The following TCERG1L variants were observed in gnomAD, a reference collection of about 807,000 sequenced individuals.
The protein encoded by TCERG1L is transcription elongation regulator 1 like.
In TCERG1L, 37 loss-of-function variants were observed where a neutral mutation model predicts 56.3. The observed-to-expected ratio is 0.66, with a 90% CI of 0.51 to 0.87. The LOEUF (loss-of-function observed/expected upper bound fraction) is 0.87, where lower values mean the gene tolerates loss of function less well. TCERG1L is among the 40% of genes least tolerant of loss of function. The pLI, the probability that TCERG1L is intolerant of heterozygous loss-of-function variation, is 0.00. For missense variants in TCERG1L, 799 were observed against 774.2 expected (o/e 1.03, Z -0.38); for synonymous variants, 324 against 326.3 (o/e 0.99, Z 0.08).
intron 4 of TCERG1L, among the ~76,000 whole-genome samples, chr10:131,241,649 A>G (rs563560343): frequency 1.3e-5 from 2 of 152,086 alleles, no homozygotes; most frequent in South Asian, 2.1e-4. Flanking sequence ...ATATAAAAGC[A>G]TAAGAGAGGA....
chr10:131,256,922 GGGAA>G (rs1421262927), intron 4 of TCERG1L, among the ~76,000 whole-genome samples: 5 of 138,696 alleles, frequency 3.6e-5, no homozygotes, highest in African/African-American at 1.4e-4. Context: ...AAGGAAGGAA[GGGAA>G]GGAAGGGAGG....
chr10:131,219,520 G>T (rs72841326), intron 4 of TCERG1L, among the ~76,000 whole-genome samples: 15,463 of 152,190 alleles, frequency 0.1, 1,121 homozygotes, highest in East Asian at 0.25. Flanking sequence ...CATACTTGCA[G>T]GAGGGCTGAG....
chr10:131,184,070 T>C (rs1403087619), intron 4 of TCERG1L, among the ~76,000 whole-genome samples: 1 of 152,212 alleles, frequency 6.6e-6, no homozygotes, highest in Non-Finnish European at 1.5e-5. Context: ...GTCTATTTCT[T>C]GGAAGCTGCT....
chr10:131,198,154 T>C (rs2133470533), intron 4 of TCERG1L, among the ~76,000 whole-genome samples: 1 of 152,252 alleles, frequency 6.6e-6, no homozygotes, highest in East Asian at 1.9e-4. Context: ...CTGGGCATCC[T>C]GGTATGTTCT....
intron 8 of TCERG1L, among the ~76,000 whole-genome samples, chr10:131,124,577 C>T (rs1564796423): frequency 6.6e-6 from 1 of 152,188 alleles, no homozygotes; most frequent in Non-Finnish European, 1.5e-5. Flanking sequence ...TTGATATTTT[C>T]AGCTCTACGC....
intron 4 of TCERG1L, among the ~76,000 whole-genome samples, chr10:131,249,627 G>GA (rs1846083813): frequency 6.6e-6 from 1 of 152,204 alleles, no homozygotes; most frequent in Non-Finnish European, 1.5e-5. Context: ...GAAAGCCTCA[G>GA]AAGTAAGCTT....
In TCERG1L at chr10:131,228,974, G is replaced by C. The variant is rs796757883; in HGVS notation, c.856+31285C>G. Among the ~76,000 whole-genome samples, 111 of 57,320 alleles carry C rather than the reference G, an allele frequency of 1.9e-3. 6 individuals are homozygous for C. The highest frequency in any genetic ancestry group is 2.7e-3 in the Admixed American group (15 of 5,528). 37.6% of individuals were successfully genotyped at this position (57,320 alleles called of 152,430 possible). Reference sequence around the variant, plus strand: ...AGACAGGCATTTCCTCAAGGCCTCCGGAGTCTTCCCTCCAGACAGGCATTC... The same window carrying C: ...AGACAGGCATTTCCTCAAGGCCTCCCGAGTCTTCCCTCCAGACAGGCATTC... On this transcript the variant is annotated intron_variant, in intron 4 of 11. Transcript: ENST00000368642.
At chr10:131,157,052 G>A (rs57089427) in intron 6 of TCERG1L, among the ~76,000 whole-genome samples, 3,864 of 152,240 alleles carry the variant, frequency 0.025, 200 homozygotes, top group East Asian at 0.24. Context: ...TCTGGGCTAG[G>A]CACACCTACT....
Position 131,308,262 on chromosome 10 carries a change from G to C in TCERG1L, c.619C>G (p.Pro207Ala), listed in dbSNP as rs761955297. The C allele has an allele frequency of 6.2e-7, 1 of 1,613,980 alleles. No individual in the cohort carries two copies. Among genetic ancestry groups the C allele is most frequent in the Non-Finnish European group, 8.5e-7 (1 of 1,179,876 alleles). ...ACCGTGGGGAGCGGCCTGGAGGCAGGAGCCGGCCTGGACAGAGACACAGCT... is the reference window on the plus strand; with the variant it reads ...ACCGTGGGGAGCGGCCTGGAGGCAGCAGCCGGCCTGGACAGAGACACAGCT... ...QVAVSLSRPA[P>A]ASRPLPTVVL... Residue 207 changes from proline (P) to alanine (A), a missense_variant, in exon 3 of 12, where the codon CCT becomes GCT. Physicochemically the swap from Pro to Ala is conservative, Grantham distance 27. Coordinates refer to ENST00000368642, the MANE Select transcript of TCERG1L (RefSeq NM_174937.4).
chr10:131,296,027 G>A (rs919704320), intron 3 of TCERG1L, among the ~76,000 whole-genome samples: 10 of 151,978 alleles, frequency 6.6e-5, no homozygotes, highest in South Asian at 2.1e-4. Flanking sequence ...TATGTTTTGT[G>A]AGTATTTTTC....
chr10:131,241,465 T>C lies in TCERG1L; in HGVS notation c.856+18794A>G, dbSNP rs149671178. On this transcript the variant is annotated intron_variant, in intron 4 of 11. Coordinates refer to ENST00000368642, the MANE Select transcript of TCERG1L (RefSeq NM_174937.4). The stretch of plus-strand genomic sequence containing the variant: ...ATGCTGCGTGACATGCAACGCATCG[T>C]CCATACGCAACATGAACACAGGGGA... Among the ~76,000 whole-genome samples, 15 of 151,586 alleles carry C rather than the reference T, an allele frequency of 9.9e-5. 1 individual carries two copies. In the East Asian group the frequency reaches 2.9e-3, roughly 30 times the overall value.
rs1846222096 is a variant in TCERG1L at position 131,260,294 on chromosome 10, G to A, written c.821C>T (p.Pro274Leu). 1.4e-6 allele frequency: 2 copies of A among 1,416,062 alleles called. No individual in the cohort carries two copies. The highest frequency in any genetic ancestry group is 1.5e-5 in the African/African-American group (1 of 66,970). The allele number at this position is 1,416,062 out of a possible 1,614,324, so 87.7% of individuals were successfully genotyped here. Reference protein sequence around the residue: ...VQPRHFLTLAPIKIPLRTSPV... With the variant: ...VQPRHFLTLALIKIPLRTSPV... The stretch of plus-strand genomic sequence containing the variant: ...GGACGTCCGGAGGGGTATTTTGATG[G>A]GTGCCAAGGTCAGGAAGTGGCGCGG... The change falls in exon 4 of 12, where the codon CCC becomes CTC. Residue 274 changes from proline to leucine, a missense_variant. Physicochemically the swap from Pro to Leu is moderately conservative, Grantham distance 98. Coordinates refer to ENST00000368642, the MANE Select transcript of TCERG1L (RefSeq NM_174937.4). The surrounding 1 kb of genome is among the most constrained non-coding windows in gnomAD (Gnocchi z 5.8).
At chr10:131,237,548 G>A (rs1845925417) in intron 4 of TCERG1L, among the ~76,000 whole-genome samples, 1 of 152,142 alleles carries the variant, frequency 6.6e-6, no homozygotes, top group African/African-American at 2.4e-5. Context: ...TAATAATTCA[G>A]TTGCATTGTA....
chr10:131,249,614 T>G (rs1221098928), intron 4 of TCERG1L, among the ~76,000 whole-genome samples: 1 of 152,244 alleles, frequency 6.6e-6, no homozygotes, highest in African/African-American at 2.4e-5. Flanking sequence ...TTTGTTCTTT[T>G]TTGAAAGCCT....
intron 4 of TCERG1L, among the ~76,000 whole-genome samples, chr10:131,170,543 G>GT (rs1287263854): frequency 1.3e-5 from 2 of 152,024 alleles, no homozygotes; most frequent in Non-Finnish European, 2.9e-5. Context: ...GCCCTTCAAT[G>GT]TAATTTTCCT....
At chr10:131,195,418 C>T (rs536420727) in intron 4 of TCERG1L, among the ~76,000 whole-genome samples, 21 of 152,284 alleles carry the variant, frequency 1.4e-4, no homozygotes, top group Non-Finnish European at 1.6e-4. Context: ...TGGCACCAGA[C>T]GGAAACCAAA....
intron 8 of TCERG1L, among the ~76,000 whole-genome samples, chr10:131,123,273 TG>T (rs1393201046): frequency 6.6e-6 from 1 of 152,120 alleles, no homozygotes; most frequent in Non-Finnish European, 1.5e-5. Context: ...GTAAATTGGG[TG>T]GTGTAATCAA....
At position 131,092,983 on chromosome 10, in the gene TCERG1L, AAAAG is replaced by A. The variant is rs1845195531; in HGVS notation, c.*175_*178del. 3 of 584,568 alleles carry A rather than the reference AAAAG, an allele frequency of 5.1e-6. No individual in the cohort carries two copies. The Admixed American group carries it at 1.0e-4, about 19-fold the overall frequency. 36.2% of individuals were successfully genotyped at this position (584,568 alleles called of 1,614,324 possible). A position where few individuals can be genotyped will look rare whatever the true frequency, so the allele number is the denominator to read the frequency against. ...GAAATGCATCAAACTCTGAATGTAC[AAAAG>A]AGAGAGCTTCAATATGAAACAGTAA... On this transcript the variant is annotated 3_prime_UTR_variant, in exon 12 of 12. Coordinates refer to ENST00000368642, the MANE Select transcript of TCERG1L (RefSeq NM_174937.4).
intron 9 of TCERG1L, among the ~76,000 whole-genome samples, chr10:131,114,687 G>A (rs1338440498): frequency 6.6e-6 from 1 of 152,146 alleles, no homozygotes; most frequent in Non-Finnish European, 1.5e-5. Context: ...GAGTCTGATA[G>A]CATCCCTGCC....
Sources: allele counts gnomAD v4.1 joint callset (sites outside exome capture counted in the v4.1 genomes callset), GRCh38; gene constraint gnomAD v4.1.1; non-coding constraint Gnocchi (gnomAD v3.1); transcripts MANE v1.5; gene names NCBI Gene and HGNC (gene_info 2026-07-23, HGNC 2026-07-21).